Variants in RPSA2 observed in about 807,000 individuals in gnomAD.
RPSA2 encodes the protein ribosomal protein SA 2.
the RPSA2 span, among the ~76,000 whole-genome samples, chr19:23,800,578 AG>A: frequency 6.6e-6 from 1 of 150,714 alleles, no homozygotes; most frequent in South Asian, 2.1e-4. Context: ...AGTCCTCCAC[AG>A]TCACTTCTAG....
the RPSA2 span, among the ~76,000 whole-genome samples, chr19:23,821,702 A>G: frequency 6.6e-6 from 1 of 151,780 alleles, no homozygotes; most frequent in Non-Finnish European, 1.5e-5. Context: ...CTGGACATTC[A>G]TTTTTCTAGT....
chr19:23,855,222 C>G, the RPSA2 span, among the ~76,000 whole-genome samples: 1 of 152,156 alleles, frequency 6.6e-6, no homozygotes, highest in Non-Finnish European at 1.5e-5. Context: ...AGAATGCCAT[C>G]AGCATGATTT....
chr19:23,768,666 C>G, the RPSA2 span, among the ~76,000 whole-genome samples: 1 of 142,936 alleles, frequency 7.0e-6, no homozygotes, highest in Non-Finnish European at 1.5e-5. Context: ...TGGCTCACTA[C>G]AACCTTCACC....
the RPSA2 span, among the ~76,000 whole-genome samples, chr19:23,826,285 C>T: frequency 1.5e-4 from 23 of 151,800 alleles, no homozygotes; most frequent in Admixed American, 9.2e-4. Context: ...TTCCACCTCC[C>T]GGGTTCAAGC....
chr19:23,771,604 C>T, the RPSA2 span, among the ~76,000 whole-genome samples: 1 of 151,838 alleles, frequency 6.6e-6, no homozygotes, highest in Non-Finnish European at 1.5e-5. Context: ...CCATATTGCT[C>T]AACCCAGCAT....
the RPSA2 span, among the ~76,000 whole-genome samples, chr19:23,821,527 T>G: frequency 3.7e-3 from 569 of 152,332 alleles, 4 homozygotes; most frequent in African/African-American, 0.013. Flanking sequence ...AATGTGACCA[T>G]GGGCTCCTGG....
At chr19:23,790,293 G>A in the RPSA2 span, among the ~76,000 whole-genome samples, 7 of 152,022 alleles carry the variant, frequency 4.6e-5, no homozygotes, top group African/African-American at 9.7e-5. Context: ...CGCTGGACCC[G>A]GCCTGATTTT....
the RPSA2 span, among the ~76,000 whole-genome samples, chr19:23,845,945 G>C: frequency 1.3e-5 from 2 of 151,886 alleles, no homozygotes; most frequent in Admixed American, 1.3e-4. Flanking sequence ...TTGATTTTTG[G>C]GAGTACTTTG....
the RPSA2 span, among the ~76,000 whole-genome samples, chr19:23,841,248 A>C: frequency 5.3e-5 from 8 of 152,226 alleles, no homozygotes; most frequent in African/African-American, 1.9e-4. Flanking sequence ...GCAGATCACG[A>C]GGTCAGGAGA....
the RPSA2 span, among the ~76,000 whole-genome samples, chr19:23,862,837 C>T: frequency 1.3e-4 from 20 of 149,702 alleles, no homozygotes; most frequent in South Asian, 2.1e-4. Flanking sequence ...GGTCTCTATT[C>T]CCTCATCTTA....
the RPSA2 span, among the ~76,000 whole-genome samples, chr19:23,847,544 G>A: frequency 6.6e-6 from 1 of 152,162 alleles, no homozygotes; most frequent in South Asian, 2.1e-4. Context: ...AGAACAGGGA[G>A]TAGGTCACAA....
At chr19:23,799,573 G>C in the RPSA2 span, 1 of 151,240 alleles carries the variant, frequency 6.6e-6, no homozygotes, top group African/African-American at 2.4e-5. Context: ...CCTGTGCTGT[G>C]GTCCATACCG....
At chr19:23,829,778 G>A in the RPSA2 span, among the ~76,000 whole-genome samples, 2 of 152,060 alleles carry the variant, frequency 1.3e-5, no homozygotes, top group South Asian at 4.1e-4. Context: ...TATGTTGTAT[G>A]TTCATTAACT....
At chr19:23,761,931 TTTTTGAGATGGA>T in the RPSA2 span, among the ~76,000 whole-genome samples, 2 of 61,692 alleles carry the variant, frequency 3.2e-5, no homozygotes, top group African/African-American at 1.5e-4. Flanking sequence ...TTTTTTTTTT[TTTTTGAGATGGA>T]GTCTTGCTCT....
At chr19:23,818,476 A>T in the RPSA2 span, 1 of 152,608 alleles carries the variant, frequency 6.6e-6, no homozygotes, top group Non-Finnish European at 1.5e-5. Context: ...GTTAGGCTGA[A>T]CTTTCTACAT....
the RPSA2 span, among the ~76,000 whole-genome samples, chr19:23,801,502 A>G: frequency 6.6e-6 from 1 of 152,128 alleles, no homozygotes; most frequent in Non-Finnish European, 1.5e-5. Flanking sequence ...CGGCCTCCCA[A>G]AATGTTGGGA....
At chr19:23,819,020 G>A in the RPSA2 span, 1 of 151,766 alleles carries the variant, frequency 6.6e-6, no homozygotes, top group Admixed American at 6.5e-5. Context: ...GTGGTTAAAG[G>A]GAATAGCAAA....
the RPSA2 span, among the ~76,000 whole-genome samples, chr19:23,866,162 C>A: frequency 1.3e-5 from 2 of 152,202 alleles, no homozygotes; most frequent in Non-Finnish European, 2.9e-5. Context: ...AGCCACCAAG[C>A]ATGTTTGGAG....
the RPSA2 span, chr19:23,833,172 G>A: frequency 2.5e-6 from 3 of 1,193,608 alleles, no homozygotes; most frequent in East Asian, 1.6e-4. Context: ...CCTTTTCCTG[G>A]TCCTCAGCCC....
Sources: gnomAD v4.1 joint callset for allele counts (sites outside exome capture counted in the v4.1 genomes callset) on GRCh38, gnomAD v4.1.1 for gene constraint, MANE v1.5 for transcripts, NCBI Gene and HGNC (gene_info 2026-07-23, HGNC 2026-07-21) for gene names.